MTARC1: variants seen among roughly 807,000 people sequenced by gnomAD.
MTARC1 encodes mitochondrial amidoxime reducing component 1, also known as mitochondrial amidoxime-reducing component 1.
In MTARC1, 24 loss-of-function variants were observed where a neutral mutation model predicts 33.6. The observed-to-expected ratio is 0.72, with a 90% CI of 0.52 to 1.01. The LOEUF (loss-of-function observed/expected upper bound fraction) is 1.01. Ranked by LOEUF, MTARC1 falls within the 50% of genes least tolerant of loss-of-function variation. MTARC1 has a pLI of 0.00. For missense variants in MTARC1, 417 were observed against 445.7 expected, an observed-to-expected ratio of 0.94 and a Z score of 0.58; for synonymous variants, 187 against 189.5, an observed-to-expected ratio of 0.99 and a Z score of 0.11.
chr1:220,819,437 A>G lies in MTARC1; in HGVS notation c.*6019A>G, dbSNP rs1558098650. 6.6e-6 allele frequency: 1 copy of G among 152,226 alleles called. No homozygotes were observed. The allele number at this position is 152,226 out of a possible 1,614,324, so 9.4% of individuals were successfully genotyped here. A position where few individuals can be genotyped will look rare whatever the true frequency, so the allele number is the denominator to read the frequency against. ...CTTTTGTGGGGCTAAGAGATCTTGT[A>G]TATATGCTATCAAAAGGCTGAGAAA... On this transcript the variant is annotated 3_prime_UTR_variant, in exon 7 of 7. Coordinates refer to ENST00000366910, the MANE Select transcript of MTARC1 (RefSeq NM_022746.4).
chr1:220,796,760 G>A lies in MTARC1; in HGVS notation c.567G>A (p.Pro189=), dbSNP rs778161836. 7 of 1,612,438 alleles carry A rather than the reference G, an allele frequency of 4.3e-6. No individual in the cohort carries two copies. In the African/African-American group the frequency reaches 6.7e-5, roughly 15 times the overall value. ...TGCACTTCGAGCCTCACATGCGACC[G>A]AGACGTCCTCATCAAATAGCAGACT... ...RLVHFEPHMR[P]RRPHQIADLF... is the part of the protein sequence containing the mutation. The change falls in exon 3 of 7, where the codon CCG becomes CCA. Residue 189 remains proline, a synonymous_variant. Transcript: ENST00000366910.
intron 6 of MTARC1, among the ~76,000 whole-genome samples, chr1:220,807,960 C>T (rs1037010012): frequency 1.3e-5 from 2 of 152,078 alleles, no homozygotes; most frequent in African/African-American, 2.4e-5. Context: ...CCCCTGCCCG[C>T]ACTCAGACCC....
rs1673343000 is a variant in MTARC1, at chr1:220,819,426, A to C, written c.*6008A>C. 6.6e-6 allele frequency: 1 copy of C among 152,194 alleles called. No homozygotes were observed. Among genetic ancestry groups the C allele is most frequent in the Non-Finnish European group, 1.5e-5 (1 of 68,026 alleles). 9.4% of individuals were successfully genotyped at this position (152,194 alleles called of 1,614,324 possible). ...TATATCTGGAGCTTTTGTGGGGCTA[A>C]GAGATCTTGTATATATGCTATCAAA... On this transcript the variant is annotated 3_prime_UTR_variant, in exon 7 of 7. Coordinates refer to ENST00000366910, the MANE Select transcript of MTARC1 (RefSeq NM_022746.4).
chr1:220,797,625 G>A (rs1461893799), intron 3 of MTARC1: 1 of 487,636 alleles, frequency 2.1e-6, no homozygotes, highest in Admixed American at 3.4e-5. Flanking sequence ...AAGGGCACAT[G>A]CCTTGTGGCA....
At position 220,818,958 on chromosome 1, in the gene MTARC1, A is replaced by G. The variant is rs1673331307; in HGVS notation, c.*5540A>G. ...AAAGCTCTTTGTAAACACATGAATA[A>G]TTGATCGTCCAGCGCTCACATAGCT... On this transcript the variant is annotated 3_prime_UTR_variant, in exon 7 of 7. Coordinates refer to ENST00000366910, the MANE Select transcript of MTARC1 (RefSeq NM_022746.4). 6.6e-6 allele frequency: 1 copy of G among 152,088 alleles called. No homozygotes were observed. Among genetic ancestry groups the G allele is most frequent in the African/African-American group, 2.4e-5 (1 of 41,406 alleles). The allele number at this position is 152,088 out of a possible 1,614,324, so 9.4% of individuals were successfully genotyped here.
intron 1 of MTARC1, among the ~76,000 whole-genome samples, chr1:220,790,651 C>T (rs1044108793): frequency 6.6e-5 from 10 of 152,090 alleles, no homozygotes; most frequent in East Asian, 1.9e-4. Flanking sequence ...CCTAAAGTAC[C>T]GGCCATATTT....
chr1:220,804,961 C>T (rs764687075), intron 4 of MTARC1, 91 bp from the exon 5 acceptor site: 18 of 1,361,204 alleles, frequency 1.3e-5, no homozygotes, highest in Non-Finnish European at 1.8e-5. Context: ...TGGGTGACAT[C>T]GTTAGGTGCG....
chr1:220,815,664 T>A lies in MTARC1; in HGVS notation c.*2246T>A, dbSNP rs1475681367. 1.3e-5 allele frequency: 2 copies of A among 152,260 alleles called. No homozygotes were observed. The highest frequency in any genetic ancestry group is 4.8e-5 in the African/African-American group (2 of 41,470). 9.4% of individuals were successfully genotyped at this position (152,260 alleles called of 1,614,324 possible). The stretch of plus-strand genomic sequence containing the variant: ...ATTTTATATTTAATGAGTTGGTTAA[T>A]GCCAGAGACAAAGCTGATATCCCAT... On this transcript the variant is annotated 3_prime_UTR_variant, in exon 7 of 7. Coordinates refer to ENST00000366910, the MANE Select transcript of MTARC1 (RefSeq NM_022746.4).
rs1192646695 is a variant in MTARC1, at chr1:220,817,619, C to T, written c.*4201C>T. On this transcript the variant is annotated 3_prime_UTR_variant, in exon 7 of 7. Transcript: ENST00000366910. ...GCATTTACAATCCTTTAGCTAGACA[C>T]AGAACACTGACTGGTGCATTTATAA... is the stretch of plus-strand genomic sequence containing the variant. The T allele has an allele frequency of 6.6e-6, 1 of 151,580 alleles. No homozygotes were observed. The highest frequency in any genetic ancestry group is 6.6e-5 in the Admixed American group (1 of 15,156). The allele number at this position is 151,580 out of a possible 1,614,324, so 9.4% of individuals were successfully genotyped here.
At chr1:220,789,277 G>T (rs1672348223) in intron 1 of MTARC1, among the ~76,000 whole-genome samples, 1 of 152,142 alleles carries the variant, frequency 6.6e-6, no homozygotes, top group African/African-American at 2.4e-5. Context: ...AATAAGCTGG[G>T]CAAAGACACT....
rs1015645913 is a variant in MTARC1, at chr1:220,819,108, C to T, written c.*5690C>T. The T allele has an allele frequency of 3.3e-5, 5 of 152,276 alleles. No individual in the cohort carries two copies. Among genetic ancestry groups the T allele is most frequent in the Admixed American group, 2.0e-4 (3 of 15,296 alleles). 9.4% of individuals were successfully genotyped at this position (152,276 alleles called of 1,614,324 possible). ...GTGGCCAGAGTTGCCAAGACCAAGGCTGTAATGGTTTGTTATGATGACCTT... is the reference window on the plus strand; with the variant it reads ...GTGGCCAGAGTTGCCAAGACCAAGGTTGTAATGGTTTGTTATGATGACCTT... On this transcript the variant is annotated 3_prime_UTR_variant, in exon 7 of 7. Coordinates refer to ENST00000366910, the MANE Select transcript of MTARC1 (RefSeq NM_022746.4).
At chr1:220,801,584 G>A (rs1407515963) in intron 4 of MTARC1, among the ~76,000 whole-genome samples, 1 of 152,218 alleles carries the variant, frequency 6.6e-6, no homozygotes, top group East Asian at 1.9e-4. Flanking sequence ...GGCTATGAAG[G>A]TATGAGAGAA....
At chr1:220,790,694 G>T (rs1422341779) in intron 1 of MTARC1, among the ~76,000 whole-genome samples, 1 of 152,166 alleles carries the variant, frequency 6.6e-6, no homozygotes, top group Non-Finnish European at 1.5e-5. Context: ...AAAAGCACAT[G>T]CTCACTTCTA....
intron 6 of MTARC1, among the ~76,000 whole-genome samples, chr1:220,811,302 A>C: frequency 6.6e-6 from 1 of 152,278 alleles, no homozygotes; most frequent in African/African-American, 2.4e-5. Context: ...GGAAGCCTGC[A>C]TCAGCAGCTT....
At chr1:220,793,947 A>G (rs1672518542) in intron 2 of MTARC1, 1 of 152,210 alleles carries the variant, frequency 6.6e-6, no homozygotes. Flanking sequence ...TACTCGTTGA[A>G]AGGCCTCAAG....
chr1:220,802,616 G>A (rs1672849040), intron 4 of MTARC1, among the ~76,000 whole-genome samples: 2 of 152,232 alleles, frequency 1.3e-5, no homozygotes. Context: ...ACAGGCATGA[G>A]CCACTGCGCC....
chr1:220,803,758 T>G (rs565536193), intron 4 of MTARC1, among the ~76,000 whole-genome samples: 1 of 152,284 alleles, frequency 6.6e-6, no homozygotes, highest in African/African-American at 2.4e-5. Flanking sequence ...CTTAATTTCC[T>G]AAGTGGAACC....
intron 6 of MTARC1, among the ~76,000 whole-genome samples, chr1:220,811,794 A>G (rs1455240844): frequency 1.3e-5 from 2 of 152,192 alleles, no homozygotes; most frequent in Non-Finnish European, 2.9e-5. Context: ...CTGGACAAAA[A>G]TATTCATATT....
In MTARC1 at chr1:220,816,912, A is replaced by G. The variant is rs1205746518; in HGVS notation, c.*3494A>G. ...CTTTCTTCGGGATCATTTTCCAAAC[A>G]TGCATTTTTGGATGGATAGGGTGGA... On this transcript the variant is annotated 3_prime_UTR_variant, in exon 7 of 7. Transcript: ENST00000366910. 6.6e-6 allele frequency: 1 copy of G among 152,302 alleles called. No individual in the cohort carries two copies. The highest frequency in any genetic ancestry group is 1.5e-5 in the Non-Finnish European group (1 of 68,156). The allele number at this position is 152,302 out of a possible 1,614,324, so 9.4% of individuals were successfully genotyped here.
Sources: allele counts gnomAD v4.1 joint callset (sites outside exome capture counted in the v4.1 genomes callset), GRCh38; gene constraint gnomAD v4.1.1; transcripts MANE v1.5; gene names NCBI Gene and HGNC (gene_info 2026-07-23, HGNC 2026-07-21).